The following GRIK3 variants were observed in gnomAD, a reference collection of about 807,000 sequenced individuals.
GRIK3 encodes the protein glutamate receptor ionotropic, kainate 3.
In GRIK3, 29 loss-of-function variants were observed where a neutral mutation model predicts 102.5. The ratio of observed to expected loss-of-function variants is 0.28; its 90% CI spans 0.21 to 0.39. The LOEUF (loss-of-function observed/expected upper bound fraction) is 0.39. Ranked by LOEUF, GRIK3 falls within the 10% of genes least tolerant of loss-of-function variation. GRIK3 has a pLI of 1.00. For missense variants in GRIK3, 908 were observed against 1,252.4 expected (o/e 0.73, Z 4.15); for synonymous variants, 511 against 504.9 (o/e 1.01, Z -0.16).
At chr1:36,988,258 C>T (rs551293966) in intron 1 of GRIK3, among the ~76,000 whole-genome samples, 1 of 152,068 alleles carries the variant, frequency 6.6e-6, no homozygotes, top group South Asian at 2.1e-4. Flanking sequence ...ACCACTGCAC[C>T]CCAGCCTGGG....
At position 36,825,653 on chromosome 1, in the gene GRIK3, A is replaced by G; in HGVS notation, c.1704T>C (p.Tyr568=). ...TGACCCCCAGGTAGGCGAGGAGAAC[A>G]TACATCCAGATGTCTGGGGACAGGG... ...LNPLSPDIWM[Y]VLLAYLGVSC... is the part of the protein sequence containing the mutation. Residue 568 remains tyrosine (Y), a synonymous_variant, in exon 11 of 16, where the codon TAT becomes TAC. Coordinates refer to ENST00000373091, the MANE Select transcript of GRIK3 (RefSeq NM_000831.4). 3.1e-6 allele frequency: 5 copies of G among 1,611,072 alleles called. No homozygotes were observed. In the South Asian group the frequency reaches 5.5e-5, roughly 18 times the overall value.
rs748165179 is a variant in GRIK3 at position 36,825,803 on chromosome 1, G to A, written c.1554C>T (p.Pro518=). Residue 518 remains proline, a synonymous_variant, in exon 11 of 16, where the codon CCC becomes CCT. Coordinates refer to ENST00000373091, the MANE Select transcript of GRIK3 (RefSeq NM_000831.4). The part of the protein sequence containing the change: ...IDHKADLAVA[P]LTITHVREKA... Reference sequence around the variant, plus strand: ...TCTCTCGAACATGGGTGATGGTCAGGGGGGCCACGGCCAGATCTGCCTTCT... The same window carrying A: ...TCTCTCGAACATGGGTGATGGTCAGAGGGGCCACGGCCAGATCTGCCTTCT... 2.5e-6 allele frequency: 4 copies of A among 1,612,028 alleles called. No homozygotes were observed. Among genetic ancestry groups the A allele is most frequent in the Non-Finnish European group, 3.4e-6 (4 of 1,179,020 alleles).
At chr1:36,918,655 T>C (rs1167217106) in intron 1 of GRIK3, among the ~76,000 whole-genome samples, 3 of 152,182 alleles carry the variant, frequency 2.0e-5, no homozygotes, top group African/African-American at 7.2e-5. Flanking sequence ...TGTCCAGCTG[T>C]GTCCTCCCCC....
At chr1:36,914,832 C>G (rs1032044804) in intron 1 of GRIK3, among the ~76,000 whole-genome samples, 1 of 152,188 alleles carries the variant, frequency 6.6e-6, no homozygotes, top group African/African-American at 2.4e-5. Flanking sequence ...ACTAGACTCT[C>G]ATTTATGCAT....
chr1:36,829,206 A>G (rs1231537601), intron 10 of GRIK3, among the ~76,000 whole-genome samples: 2 of 152,194 alleles, frequency 1.3e-5, no homozygotes, highest in Non-Finnish European at 2.9e-5. Context: ...ACTTCCCTTG[A>G]AAGATGGGAA....
intron 5 of GRIK3, among the ~76,000 whole-genome samples, chr1:36,860,970 A>T (rs960055280): frequency 2.5e-4 from 38 of 152,214 alleles, no homozygotes; most frequent in African/African-American, 8.9e-4. Context: ...GCTACTTGTT[A>T]AAAGCTCAGA....
intron 1 of GRIK3, among the ~76,000 whole-genome samples, chr1:36,945,519 G>A (rs951551995): frequency 4.0e-5 from 6 of 150,986 alleles, no homozygotes; most frequent in African/African-American, 1.2e-4. Context: ...CTGCAACATC[G>A]TTTAGACTGA....
At chr1:36,818,837 C>T (rs894919731) in intron 12 of GRIK3, among the ~76,000 whole-genome samples, 3 of 152,190 alleles carry the variant, frequency 2.0e-5, no homozygotes, top group East Asian at 1.9e-4. Context: ...CTGCCTGCCC[C>T]CTAAGCAGGT....
chr1:36,944,212 A>C (rs1434250560), intron 1 of GRIK3, among the ~76,000 whole-genome samples: 1 of 152,154 alleles, frequency 6.6e-6, no homozygotes, highest in African/African-American at 2.4e-5. Flanking sequence ...GAGGGAGGAG[A>C]GGAGAGAGGA....
intron 1 of GRIK3, among the ~76,000 whole-genome samples, chr1:36,979,452 C>T (rs1364448651): frequency 3.3e-5 from 5 of 152,310 alleles, no homozygotes; most frequent in Non-Finnish European, 5.9e-5. Flanking sequence ...GGAATGCTCT[C>T]GATTTGGAAT....
At position 37,013,317 on chromosome 1, in the gene GRIK3, A is replaced by G. The variant is rs144965723; in HGVS notation, c.115+20677T>C. Among the ~76,000 whole-genome samples, 63 of 152,342 alleles carry G rather than the reference A, an allele frequency of 4.1e-4. 1 individual carries two copies. In the East Asian group the frequency reaches 0.011, roughly 28 times the overall value. On this transcript the variant is annotated intron_variant, in intron 1 of 15. Transcript: ENST00000373091. The stretch of plus-strand genomic sequence containing the variant: ...ATCTGGGTGGGGACACAGCCAAACC[A>G]TATCAGCCCCAGACACAAATATGTG...
At chr1:37,019,742 T>C (rs1010358899) in intron 1 of GRIK3, among the ~76,000 whole-genome samples, 4 of 152,068 alleles carry the variant, frequency 2.6e-5, no homozygotes, top group Non-Finnish European at 5.9e-5. Flanking sequence ...AACACAAAAT[T>C]ACAAACAGCA....
chr1:36,998,937 C>A (rs1452891879), intron 1 of GRIK3, among the ~76,000 whole-genome samples: 2 of 151,964 alleles, frequency 1.3e-5, no homozygotes, highest in African/African-American at 4.8e-5. Flanking sequence ...CCCATAAGAG[C>A]CTCTCTAACC....
chr1:36,901,983 C>T (rs1380283113), intron 1 of GRIK3, among the ~76,000 whole-genome samples: 1 of 152,154 alleles, frequency 6.6e-6, no homozygotes, highest in African/African-American at 2.4e-5. Flanking sequence ...CTTACATTAA[C>T]ATGCAAAGAA....
At chr1:37,027,365 A>C (rs957117648) in intron 1 of GRIK3, among the ~76,000 whole-genome samples, 2 of 151,940 alleles carry the variant, frequency 1.3e-5, no homozygotes, top group Admixed American at 1.3e-4. Context: ...AATCATGCTC[A>C]ATTAGGATTT....
At chr1:36,836,538 A>G (rs1004993609) in intron 10 of GRIK3, among the ~76,000 whole-genome samples, 6 of 152,206 alleles carry the variant, frequency 3.9e-5, no homozygotes, top group Admixed American at 2.6e-4. Flanking sequence ...GTCTGCACTC[A>G]GTGTTACTGG....
rs748830001 is a variant in GRIK3 at position 36,850,224 on chromosome 1, G to C, written c.1326+87C>G. 9.3e-5 allele frequency: 73 copies of C among 785,104 alleles called. No individual in the cohort carries two copies. The Middle Eastern group carries it at 1.2e-3, about 13-fold the overall frequency. 48.6% of individuals were successfully genotyped at this position (785,104 alleles called of 1,614,324 possible). A position where few individuals can be genotyped will look rare whatever the true frequency, so the allele number is the denominator to read the frequency against. On this transcript the variant is annotated intron_variant, in intron 9 of 15. Coordinates refer to ENST00000373091, the MANE Select transcript of GRIK3 (RefSeq NM_000831.4). The surrounding 1 kb of genome is among the most constrained non-coding windows in gnomAD (Gnocchi z 4.0). ...TACCTGCAGCCTCCATCTTCTGGGT[G>C]GGGGGGATAGAGGGGACTCTCCAGC...
chr1:36,858,471 G>C (rs952269456), intron 7 of GRIK3, among the ~76,000 whole-genome samples: 3 of 152,198 alleles, frequency 2.0e-5, no homozygotes, highest in African/African-American at 7.2e-5. Context: ...AGTAGGCACT[G>C]TGTGTTCCAT....
At chr1:37,022,409 G>A (rs1642724797) in intron 1 of GRIK3, among the ~76,000 whole-genome samples, 2 of 152,196 alleles carry the variant, frequency 1.3e-5, no homozygotes, top group South Asian at 2.1e-4. Context: ...GGAGGACTGT[G>A]ATCTCTCCTC....
Sources: gnomAD v4.1 joint callset for allele counts (sites outside exome capture counted in the v4.1 genomes callset) on GRCh38, gnomAD v4.1.1 for gene constraint, Gnocchi (gnomAD v3.1) non-coding constraint, MANE v1.5 for transcripts, NCBI Gene and HGNC (gene_info 2026-07-23, HGNC 2026-07-21) for gene names.